LRFN2: variants seen among roughly 807,000 people sequenced by gnomAD.
LRFN2 encodes the protein leucine rich repeat and fibronectin type III domain containing 2.
A neutral mutation model predicts 37.3 loss-of-function variants in LRFN2; 18 were observed. The observed-to-expected ratio is 0.48, with a 90% CI of 0.33 to 0.72. The LOEUF is 0.72. Among genes scored for constraint, LRFN2 ranks in the 30% least tolerant of loss-of-function variants. LRFN2 has a pLI of 0.02. For synonymous variants in LRFN2, 556 were observed against 466.6 expected, an observed-to-expected ratio of 1.19 and a Z score of -2.47; for missense variants, 1,006 against 1,060.7, an observed-to-expected ratio of 0.95 and a Z score of 0.72.
At chr6:40,456,901 G>A (rs1764246700) in intron 1 of LRFN2, among the ~76,000 whole-genome samples, 1 of 152,052 alleles carries the variant, frequency 6.6e-6, no homozygotes, top group Admixed American at 6.5e-5. Flanking sequence ...TGGCACCTAG[G>A]GAAAAATAGC....
intron 1 of LRFN2, among the ~76,000 whole-genome samples, chr6:40,520,916 A>G (rs908267137): frequency 3.9e-5 from 6 of 152,054 alleles, no homozygotes; most frequent in African/African-American, 1.2e-4. Context: ...ACATTATCTC[A>G]GTTCTGTCCC....
At chr6:40,455,474 C>A (rs1290183313) in intron 1 of LRFN2, among the ~76,000 whole-genome samples, 1 of 152,192 alleles carries the variant, frequency 6.6e-6, no homozygotes, top group Non-Finnish European at 1.5e-5. Context: ...GCCAATGACA[C>A]AACCTGGAAG....
intron 1 of LRFN2, among the ~76,000 whole-genome samples, chr6:40,457,530 TGA>T (rs2113847553): frequency 6.6e-6 from 1 of 150,854 alleles, no homozygotes; most frequent in Admixed American, 6.6e-5. Flanking sequence ...CCCAGCACCT[TGA>T]GAGGCTGAGG....
At chr6:40,564,308 C>A (rs1767051239) in intron 1 of LRFN2, among the ~76,000 whole-genome samples, 1 of 152,158 alleles carries the variant, frequency 6.6e-6, no homozygotes. Flanking sequence ...GTCATCCAAC[C>A]AACACTGATT....
chr6:40,440,022 C>T (rs1311004265), intron 1 of LRFN2, among the ~76,000 whole-genome samples: 1 of 151,900 alleles, frequency 6.6e-6, no homozygotes, highest in Non-Finnish European at 1.5e-5. Flanking sequence ...AAGAACATTC[C>T]CTGTTCTTTC....
intron 1 of LRFN2, among the ~76,000 whole-genome samples, chr6:40,494,585 A>G (rs1040636280): frequency 6.6e-6 from 1 of 152,128 alleles, no homozygotes; most frequent in Non-Finnish European, 1.5e-5. Context: ...TGACAATTTC[A>G]TATCCTGGCA....
At chr6:40,404,385 T>C (rs942885194) in intron 2 of LRFN2, among the ~76,000 whole-genome samples, 1 of 152,218 alleles carries the variant, frequency 6.6e-6, no homozygotes. Flanking sequence ...AAAACATTGG[T>C]TGAACTTGCA....
At chr6:40,554,711 C>T (rs1766836164) in intron 1 of LRFN2, among the ~76,000 whole-genome samples, 1 of 152,116 alleles carries the variant, frequency 6.6e-6, no homozygotes, top group African/African-American at 2.4e-5. Context: ...CAAGGAGGCC[C>T]AAAGTCTCAA....
intron 1 of LRFN2, among the ~76,000 whole-genome samples, chr6:40,459,484 T>C (rs1474100320): frequency 1.3e-5 from 2 of 152,204 alleles, no homozygotes; most frequent in Admixed American, 6.5e-5. Flanking sequence ...GTGTCAAGTA[T>C]AGACAAAACA....
chr6:40,521,392 G>C (rs1766064972), intron 1 of LRFN2, among the ~76,000 whole-genome samples: 1 of 152,154 alleles, frequency 6.6e-6, no homozygotes, highest in South Asian at 2.1e-4. Flanking sequence ...CAGAGAGAGG[G>C]GGCTTCTTTG....
intron 1 of LRFN2, among the ~76,000 whole-genome samples, chr6:40,479,215 C>G (rs1211225530): frequency 1.3e-5 from 2 of 152,202 alleles, no homozygotes; most frequent in Non-Finnish European, 2.9e-5. Context: ...ACAGCTATCA[C>G]CATCATCTTC....
At chr6:40,416,127 G>A (rs1417971109) in intron 2 of LRFN2, among the ~76,000 whole-genome samples, 1 of 152,152 alleles carries the variant, frequency 6.6e-6, no homozygotes, top group Non-Finnish European at 1.5e-5. Flanking sequence ...TCCTGCCTCA[G>A]CCTCCCCAGT....
chr6:40,403,058 G>C (rs1214624920), intron 2 of LRFN2, among the ~76,000 whole-genome samples: 3 of 152,196 alleles, frequency 2.0e-5, no homozygotes, highest in Non-Finnish European at 4.4e-5. Flanking sequence ...GTAGATAGGA[G>C]CCAGGTTCTT....
At chr6:40,412,940 C>G (rs1406709869) in intron 2 of LRFN2, among the ~76,000 whole-genome samples, 1 of 152,190 alleles carries the variant, frequency 6.6e-6, no homozygotes, top group Non-Finnish European at 1.5e-5. Context: ...GGCATCACCT[C>G]ATTGAGCAGG....
chr6:40,512,603 A>C (rs953787548), intron 1 of LRFN2, among the ~76,000 whole-genome samples: 1 of 152,174 alleles, frequency 6.6e-6, no homozygotes, highest in African/African-American at 2.4e-5. Flanking sequence ...GGTTTAGCCT[A>C]ATGGATTCCC....
At chr6:40,477,534 G>A (rs1486564106) in intron 1 of LRFN2, among the ~76,000 whole-genome samples, 2 of 152,316 alleles carry the variant, frequency 1.3e-5, no homozygotes, top group Non-Finnish European at 2.9e-5. Flanking sequence ...AGATTTGTTG[G>A]TGGGCTGGGG....
intron 1 of LRFN2, among the ~76,000 whole-genome samples, chr6:40,527,305 G>A (rs185552186): frequency 5.0e-4 from 76 of 152,318 alleles, no homozygotes; most frequent in African/African-American, 1.8e-3. Flanking sequence ...AAAGAAAAAT[G>A]AAAAGGGACA....
intron 1 of LRFN2, among the ~76,000 whole-genome samples, chr6:40,485,768 A>T (rs1764942605): frequency 6.6e-6 from 1 of 152,364 alleles, no homozygotes; most frequent in African/African-American, 2.4e-5. Context: ...TCACTTGGTT[A>T]TCATGGGCTG....
intron 1 of LRFN2, among the ~76,000 whole-genome samples, chr6:40,576,341 C>T (rs1381923911): frequency 2.0e-5 from 3 of 152,114 alleles, no homozygotes; most frequent in African/African-American, 7.2e-5. Flanking sequence ...GAGAGAGAGA[C>T]AGAGAGGCAG....
Sources: allele counts gnomAD v4.1 joint callset (sites outside exome capture counted in the v4.1 genomes callset), GRCh38; gene constraint gnomAD v4.1.1; transcripts MANE v1.5; gene names NCBI Gene and HGNC (gene_info 2026-07-23, HGNC 2026-07-21).